PTPN22: variants seen among roughly 807,000 people sequenced by gnomAD.
PTPN22 encodes the protein tyrosine-protein phosphatase non-receptor type 22.
A neutral mutation model predicts 103.3 loss-of-function variants in PTPN22; 85 were observed. That is an observed-to-expected ratio of 0.82 (90% CI 0.69 to 0.99). The LOEUF is 0.99. Among genes scored for constraint, PTPN22 ranks in the 50% least tolerant of loss-of-function variants. The pLI is 0.00. For synonymous variants in PTPN22, 323 were observed against 310.2 expected (o/e 1.04, Z -0.43); for missense variants, 865 against 936.9 (o/e 0.92, Z 1.00).
At chr1:113,856,316 C>T (rs1199933331) in intron 7 of PTPN22, 66 bp downstream of exon 7, 4 of 1,484,816 alleles carry the variant, frequency 2.7e-6, no homozygotes, top group Admixed American at 2.5e-5. Context: ...CTGAGCTACA[C>T]ACATCTATAT....
intron 14 of PTPN22, 92 bp from the exon 15 acceptor site, chr1:113,834,531 G>A (rs1251583770): frequency 3.0e-6 from 4 of 1,312,246 alleles, no homozygotes; most frequent in Admixed American, 1.9e-5. Flanking sequence ...AACATTGAAA[G>A]GACCTGAGAA....
intron 19 of PTPN22, 45 bp from the exon 20 acceptor site, chr1:113,819,699 C>T (rs745760759): frequency 5.3e-6 from 7 of 1,311,378 alleles, no homozygotes; most frequent in African/African-American, 1.5e-5. Context: ...TAAAGACAGA[C>T]TCAGATGACT....
intron 11 of PTPN22, among the ~76,000 whole-genome samples, chr1:113,843,809 C>A (rs1663814397): frequency 6.6e-6 from 1 of 152,138 alleles, no homozygotes; most frequent in African/African-American, 2.4e-5. Flanking sequence ...TCTAGTGAAA[C>A]TATGTGGGCC....
At chr1:113,823,782 A>G (rs944066661) in intron 19 of PTPN22, among the ~76,000 whole-genome samples, 1 of 152,148 alleles carries the variant, frequency 6.6e-6, no homozygotes, top group Non-Finnish European at 1.5e-5. Flanking sequence ...TCCTACCATA[A>G]TTTCCATTTG....
chr1:113,826,703 T>A (rs1205005493), intron 18 of PTPN22, among the ~76,000 whole-genome samples: 1 of 124,214 alleles, frequency 8.1e-6, no homozygotes, highest in African/African-American at 3.1e-5. Context: ...GGAGTCTCGC[T>A]CTGTCGCCCA....
intron 11 of PTPN22, among the ~76,000 whole-genome samples, chr1:113,839,929 A>T (rs1266701971): frequency 6.6e-6 from 1 of 152,120 alleles, no homozygotes; most frequent in Non-Finnish European, 1.5e-5. Flanking sequence ...TTGGAAAAAA[A>T]GGCTGCGCAC....
intron 1 of PTPN22, among the ~76,000 whole-genome samples, chr1:113,866,116 C>T (rs1666095512): frequency 6.6e-6 from 1 of 152,164 alleles, no homozygotes; most frequent in Admixed American, 6.5e-5. Flanking sequence ...AAAACAGTAC[C>T]TTCCTCAATG....
rs769146423 is a variant in PTPN22, at chr1:113,852,121, G to A, written c.751-17C>T. ...AGGAATTATCTATCAAATTAAAGGG[G>A]AAAATATTCCTTTCAATATTTTGTT... On this transcript the variant is annotated splice_polypyrimidine_tract_variant and intron_variant, in intron 9 of 20. Coordinates refer to ENST00000359785, the Ensembl canonical transcript of PTPN22. 1.3e-6 allele frequency: 2 copies of A among 1,557,096 alleles called. No individual in the cohort carries two copies. The highest frequency in any genetic ancestry group is 1.7e-5 in the Admixed American group (1 of 59,410).
rs530217306 is a variant in PTPN22 at position 113,834,232 on chromosome 1, A to G, written c.2025+77T>C. ...GTATGTGCTTAGGATTTATTGAATG[A>G]TGGGTGTTAAAAATACAAGGAGTAG... On this transcript the variant is annotated intron_variant, in intron 15 of 20. Coordinates refer to ENST00000359785, the Ensembl canonical transcript of PTPN22. 5 of 1,376,214 alleles carry G rather than the reference A, an allele frequency of 3.6e-6. No individual in the cohort carries two copies. The South Asian group carries it at 6.3e-5, about 17-fold the overall frequency. 85.3% of individuals were successfully genotyped at this position (1,376,214 alleles called of 1,614,324 possible).
chr1:113,867,202 T>G (rs1666191945), intron 1 of PTPN22, among the ~76,000 whole-genome samples: 1 of 152,248 alleles, frequency 6.6e-6, no homozygotes, highest in Non-Finnish European at 1.5e-5. Flanking sequence ...CTGCTGTTTC[T>G]GCTGTGTAGA....
chr1:113,856,803 A>G, intron 5 of PTPN22, 184 bp from the exon 6 acceptor site: 2 of 694,536 alleles, frequency 2.9e-6, no homozygotes, highest in Non-Finnish European at 4.7e-6. Flanking sequence ...TAAAGGATAT[A>G]TAAATTACAG....
At chr1:113,827,178 C>T (rs1662153788) in intron 18 of PTPN22, among the ~76,000 whole-genome samples, 1 of 152,092 alleles carries the variant, frequency 6.6e-6, no homozygotes, top group Non-Finnish European at 1.5e-5. Flanking sequence ...TTTCCTAACA[C>T]CTAACAGAAA....
At chr1:113,818,132 A>C (rs1661306282) in intron 20 of PTPN22, among the ~76,000 whole-genome samples, 2 of 151,854 alleles carry the variant, frequency 1.3e-5, no homozygotes, top group South Asian at 4.2e-4. Flanking sequence ...GTTTTAGCTA[A>C]ATGATTTCAT....
Position 113,848,874 on chromosome 1 carries a change from C to A in PTPN22, c.829-248G>T, listed in dbSNP as rs144103689. ...ACACCTCTAACTAATGTACAGGAAT[C>A]TTATGACTTGTTTCTTTTATGTTCT... On this transcript the variant is annotated intron_variant, in intron 10 of 20. Transcript: ENST00000359785. Among the ~76,000 whole-genome samples, 760 of 152,214 alleles carry A rather than the reference C, an allele frequency of 5.0e-3. 4 individuals are homozygous for A. Among genetic ancestry groups the A allele is most frequent in the African/African-American group, 0.018 (734 of 41,534 alleles).
At chr1:113,870,087 C>T (rs143954219) in intron 1 of PTPN22, among the ~76,000 whole-genome samples, 3 of 152,254 alleles carry the variant, frequency 2.0e-5, no homozygotes, top group African/African-American at 4.8e-5. Context: ...TTTTTGTTCA[C>T]CGCTGTATTT....
intron 16 of PTPN22, among the ~76,000 whole-genome samples, chr1:113,831,354 C>T (rs1662527452): frequency 6.6e-6 from 1 of 152,094 alleles, no homozygotes; most frequent in South Asian, 2.1e-4. Context: ...CTTTTTATCA[C>T]CCTAGAAGGA....
At chr1:113,814,118 A>C (rs892885329) in exon 21 of PTPN22, 2 of 152,316 alleles carry the variant, frequency 1.3e-5, no homozygotes. Context: ...ATTCATATAG[A>C]AATTCATTTT....
chr1:113,851,676 T>G (rs1664585135), intron 10 of PTPN22, among the ~76,000 whole-genome samples: 1 of 152,196 alleles, frequency 6.6e-6, no homozygotes, highest in African/African-American at 2.4e-5. Context: ...GAGATGAATT[T>G]TATCACTACA....
At position 113,864,011 on chromosome 1, in the gene PTPN22, A is replaced by G. The variant is rs796161216; in HGVS notation, c.88-4551T>C. On this transcript the variant is annotated intron_variant, in intron 1 of 20. Coordinates refer to ENST00000359785, the Ensembl canonical transcript of PTPN22. ...TCGGCTCACTGCAACTTTGCCTGCA[A>G]TCCCAGCTACTCGGGAGGCTGAGAT... Among the ~76,000 whole-genome samples, 20 of 151,156 alleles carry G rather than the reference A, an allele frequency of 1.3e-4. No homozygotes were observed. In the South Asian group the frequency reaches 1.7e-3, roughly 13 times the overall value.
Sources: gnomAD v4.1 joint callset for allele counts (sites outside exome capture counted in the v4.1 genomes callset) on GRCh38, gnomAD v4.1.1 for gene constraint, MANE v1.5 for transcripts, NCBI Gene and HGNC (gene_info 2026-07-23, HGNC 2026-07-21) for gene names.